The following TBC1D9B variants were observed in gnomAD, a reference collection of about 807,000 sequenced individuals.
The protein encoded by TBC1D9B is TBC1 domain family member 9B.
In TBC1D9B, 87 loss-of-function variants were observed where a neutral mutation model predicts 121.1. The ratio of observed to expected loss-of-function variants is 0.72; its 90% CI spans 0.60 to 0.86. The LOEUF (loss-of-function observed/expected upper bound fraction) is 0.86, where lower values mean the gene tolerates loss of function less well. TBC1D9B is among the 40% of genes least tolerant of loss of function. The pLI, the probability that TBC1D9B is intolerant of heterozygous loss-of-function variation, is 0.00. For synonymous variants in TBC1D9B, 668 were observed against 670.1 expected (o/e 1.00, Z 0.05); for missense variants, 1,540 against 1,628.6 (o/e 0.95, Z 0.94).
Position 179,863,662 on chromosome 5 carries a change from TC to T in TBC1D9B, c.3487del (p.Glu1163ArgfsTer29). On this transcript the variant is annotated frameshift_variant, in exon 21 of 21. Transcript: ENST00000355235. LOFTEE classifies it high-confidence loss of function. This position sits in a 1 kb window ranked among gnomAD's most constrained non-coding sequence, Gnocchi z 4.5. ...LADDTVLVGG[E>X]ACSPTARIGG... is the part of the protein sequence containing the mutation. ...GATGCGCGCTGTGGGGCTGCAGGCC[TC>T]CCCGCCCACCAGCACCGTGTCGTCT... is the stretch of plus-strand genomic sequence containing the variant. 6.2e-7 allele frequency: 1 copy of T among 1,613,708 alleles called. No homozygotes were observed. Among genetic ancestry groups the T allele is most frequent in the Non-Finnish European group, 8.5e-7 (1 of 1,180,012 alleles).
chr5:179,873,157 C>T lies in TBC1D9B; in HGVS notation c.2278G>A (p.Glu760Lys), dbSNP rs1159602879. 2 of 1,612,982 alleles carry T rather than the reference C, an allele frequency of 1.2e-6. No individual in the cohort carries two copies. Among genetic ancestry groups the T allele is most frequent in the Admixed American group, 3.3e-5 (2 of 59,928 alleles). ...LLSSSDDPPA[E>K]VDIFELLKVS... Reference sequence around the variant, plus strand: ...TTCAGGAGCTCAAAGATGTCCACCTCTGCAGGGGGGTCATCGCTGCTGCTC... The same window carrying T: ...TTCAGGAGCTCAAAGATGTCCACCTTTGCAGGGGGGTCATCGCTGCTGCTC... Residue 760 changes from glutamate (E) to lysine (K), a missense_variant, in exon 13 of 21, where the codon GAG becomes AAG. Coordinates refer to ENST00000355235, the MANE Select transcript of TBC1D9B (RefSeq NM_015043.4).
At position 179,890,145 on chromosome 5, in the gene TBC1D9B, C is replaced by T. The variant is rs923733903; in HGVS notation, c.1044+1234G>A. On this transcript the variant is annotated intron_variant, in intron 6 of 20. Transcript: ENST00000355235. This position sits in a 1 kb window ranked among gnomAD's most constrained non-coding sequence, Gnocchi z 5.0. ...AGTGAAATTCAAGAGTCCACTACAC[C>T]CACAGCAGAGTGAGCTGCGTGCGCA... is the stretch of plus-strand genomic sequence containing the variant. 6.6e-6 allele frequency among the ~76,000 whole-genome samples: 1 copy of T among 152,300 alleles called. No homozygotes were observed. The highest frequency in any genetic ancestry group is 1.5e-5 in the Non-Finnish European group (1 of 68,010).
At chr5:179,879,363 A>G (rs527897887) in intron 8 of TBC1D9B, 166 bp from the exon 9 acceptor site, 2 of 1,175,454 alleles carry the variant, frequency 1.7e-6, no homozygotes, top group South Asian at 1.6e-5. Context: ...CACACCTCCC[A>G]AGGCTCAGGA....
Position 179,907,775 on chromosome 5 carries a change from AC to A in TBC1D9B, c.46del (p.Val16Ter). On this transcript the variant is annotated frameshift_variant, in exon 1 of 21. Transcript: ENST00000355235. LOFTEE classifies it high-confidence loss of function. This position sits in a 1 kb window ranked among gnomAD's most constrained non-coding sequence, Gnocchi z 5.3. ...EEVLVANALWVTERANPFFVL... is the reference protein window; with the variant it reads ...EEVLVANALWXTERANPFFVL... ...GAAGAAGGGGTTGGCCCGCTCCGTCACCCACAGCGCATTGGCCACCAGCACC... is the reference window on the plus strand; with the variant it reads ...GAAGAAGGGGTTGGCCCGCTCCGTCACCACAGCGCATTGGCCACCAGCACC... 8.1e-7 allele frequency: 1 copy of A among 1,228,664 alleles called. No individual in the cohort carries two copies. Among genetic ancestry groups the A allele is most frequent in the Non-Finnish European group, 1.0e-6 (1 of 957,320 alleles). The allele number at this position is 1,228,664 out of a possible 1,614,324, so 76.1% of individuals were successfully genotyped here. A position where few individuals can be genotyped will look rare whatever the true frequency, so the allele number is the denominator to read the frequency against.
intron 17 of TBC1D9B, chr5:179,868,852 G>A (rs1185866338): frequency 1.3e-5 from 2 of 152,720 alleles, no homozygotes; most frequent in Admixed American, 1.3e-4. Context: ...AGGCTGAGGA[G>A]GCTCAGGAGT....
At chr5:179,888,001 C>G in intron 7 of TBC1D9B, 102 bp downstream of exon 7, 1 of 1,463,098 alleles carries the variant, frequency 6.8e-7, no homozygotes, top group Non-Finnish European at 9.5e-7. Flanking sequence ...GGCGGAGGCC[C>G]ACAGCCGGAA....
At chr5:179,873,355 A>T in intron 12 of TBC1D9B, 107 bp from the exon 13 acceptor site, 2 of 1,412,898 alleles carry the variant, frequency 1.4e-6, no homozygotes, top group Non-Finnish European at 1.9e-6. Context: ...GACTCCTAAT[A>T]AGGAGTGTGC....
In TBC1D9B at chr5:179,904,856, G is replaced by T; in HGVS notation, c.119-44C>A. 6.9e-7 allele frequency: 1 copy of T among 1,447,804 alleles called. No individual in the cohort carries two copies. The highest frequency in any genetic ancestry group is 1.3e-5 in the South Asian group (1 of 79,190). 89.7% of individuals were successfully genotyped at this position (1,447,804 alleles called of 1,614,324 possible). A position where few individuals can be genotyped will look rare whatever the true frequency, so the allele number is the denominator to read the frequency against. On this transcript the variant is annotated intron_variant, in intron 1 of 20. Coordinates refer to ENST00000355235, the MANE Select transcript of TBC1D9B (RefSeq NM_015043.4). This position sits in a 1 kb window ranked among gnomAD's most constrained non-coding sequence, Gnocchi z 4.2. ...GACATAGAGGGTGAGGGGAGGGCCG[G>T]ACTGAGGCCCCTGAAGGCTGAGTCT...
rs144557240 is a variant in TBC1D9B at position 179,865,488 on chromosome 5, G to A, written c.2915-128C>T. On this transcript the variant is annotated intron_variant, in intron 19 of 20. Coordinates refer to ENST00000355235, the MANE Select transcript of TBC1D9B (RefSeq NM_015043.4). The surrounding 1 kb of genome is among the most constrained non-coding windows in gnomAD (Gnocchi z 5.1). ...GGGCCCTATCATAAAACACCCTGGC[G>A]TTTGGGAAGGTGGTCATGGGAAAAA... 2.3e-5 allele frequency: 20 copies of A among 862,268 alleles called. No individual in the cohort carries two copies. Among genetic ancestry groups the A allele is most frequent in the African/African-American group, 1.5e-4 (9 of 59,580 alleles). The allele number at this position is 862,268 out of a possible 1,614,324, so 53.4% of individuals were successfully genotyped here. A position where few individuals can be genotyped will look rare whatever the true frequency, so the allele number is the denominator to read the frequency against.
intron 3 of TBC1D9B, 34 bp from the exon 4 acceptor site, chr5:179,894,648 GCA>G: frequency 2.5e-6 from 4 of 1,608,898 alleles, no homozygotes; most frequent in Non-Finnish European, 3.4e-6. Context: ...GGCTTGCCCT[GCA>G]CAGTCCCGGA....
In TBC1D9B at chr5:179,864,018, G is replaced by A. The variant is rs770137077; in HGVS notation, c.3132C>T (p.Ile1044=). The change falls in exon 21 of 21, where the codon ATC becomes ATT. Residue 1044 remains isoleucine (I), a synonymous_variant. Transcript: ENST00000355235. Reference sequence around the variant, plus strand: ...CTGAGAACTTCTTCCCCACCTCTCCGATGCGGAGCAGGAGGCTGGCCACGG... The same window carrying A: ...CTGAGAACTTCTTCCCCACCTCTCCAATGCGGAGCAGGAGGCTGGCCACGG... ...IATVASLLLR[I]GEVGKKFSAR... The A allele has an allele frequency of 1.5e-5, 25 of 1,613,572 alleles. No individual in the cohort carries two copies. In the East Asian group the frequency reaches 1.8e-4, roughly 11 times the overall value.
At chr5:179,881,204 CT>C (rs1276361184) in intron 7 of TBC1D9B, among the ~76,000 whole-genome samples, 1 of 152,242 alleles carries the variant, frequency 6.6e-6, no homozygotes, top group Non-Finnish European at 1.5e-5. Context: ...GCTTACTGGC[CT>C]CAGGTGGGTG....
In TBC1D9B at chr5:179,899,229, C is replaced by T; in HGVS notation, c.308G>A (p.Ser103Asn). 1.9e-6 allele frequency: 3 copies of T among 1,614,046 alleles called. No homozygotes were observed. Among genetic ancestry groups the T allele is most frequent in the East Asian group, 4.5e-5 (2 of 44,878 alleles). Residue 103 changes from serine to asparagine, a missense_variant, in exon 3 of 21, where the codon AGT becomes AAT. Transcript: ENST00000355235. ...GACGAAGGTGGTGATATCTTCCTCA[C>T]TGTCGAAGATGGACAGTGTCTGGAG... The part of the protein sequence containing the change: ...NLLQTLSIFD[S>N]EEDITTFVKG...
rs1208159841 is a variant in TBC1D9B, at chr5:179,862,743, A to C, written c.*705T>G. ...CAAGGCATTGCACACAGTGGTTTTTATTTCTTTCAGGGATTTATTAAGGCA... is the reference window on the plus strand; with the variant it reads ...CAAGGCATTGCACACAGTGGTTTTTCTTTCTTTCAGGGATTTATTAAGGCA... On this transcript the variant is annotated 3_prime_UTR_variant, in exon 21 of 21. Transcript: ENST00000355235. 1.3e-5 allele frequency: 5 copies of C among 374,196 alleles called. No homozygotes were observed. Among genetic ancestry groups the C allele is most frequent in the Admixed American group, 9.0e-5 (3 of 33,222 alleles). The allele number at this position is 374,196 out of a possible 1,614,324, so 23.2% of individuals were successfully genotyped here. A position where few individuals can be genotyped will look rare whatever the true frequency, so the allele number is the denominator to read the frequency against.
chr5:179,905,277 G>A (rs944228164), intron 1 of TBC1D9B, among the ~76,000 whole-genome samples: 2 of 152,280 alleles, frequency 1.3e-5, no homozygotes, highest in Admixed American at 6.5e-5. Context: ...CCTGAAATAC[G>A]TCTTCCGGAC....
Position 179,893,414 on chromosome 5 carries a change from G to T in TBC1D9B, c.631C>A (p.Leu211Met). Residue 211 changes from leucine to methionine, a missense_variant, in exon 5 of 21, where the codon CTG becomes ATG. Coordinates refer to ENST00000355235, the MANE Select transcript of TBC1D9B (RefSeq NM_015043.4). ...ACACGGATGCTCTCGGGGAAGAGCA[G>T]GGTGGCGTTCTTCTCCAGACGCGTT... ...DITRLEKNAT[L>M]LFPESIRVDT... 1 of 1,613,956 alleles carries T rather than the reference G, an allele frequency of 6.2e-7. No homozygotes were observed.
In TBC1D9B at chr5:179,874,973, G is replaced by T. The variant is rs577618447; in HGVS notation, c.2115C>A (p.Ala705=). The T allele has an allele frequency of 6.2e-7, 1 of 1,613,818 alleles. No homozygotes were observed. Among genetic ancestry groups the T allele is most frequent in the East Asian group, 2.2e-5 (1 of 44,880 alleles). Residue 705 remains alanine (A), a synonymous_variant, in exon 12 of 21, where the codon GCC becomes GCA. Coordinates refer to ENST00000355235, the MANE Select transcript of TBC1D9B (RefSeq NM_015043.4). This position sits in a 1 kb window ranked among gnomAD's most constrained non-coding sequence, Gnocchi z 4.3. Reference sequence around the variant, plus strand: ...GCTGCTCCATGTTGGCGTCCAGGACGGCCAGGGCCACCTGCAGGATCACCT... The same window carrying T: ...GCTGCTCCATGTTGGCGTCCAGGACTGCCAGGGCCACCTGCAGGATCACCT... ...GIKVILQVAL[A]VLDANMEQLL...
Position 179,903,167 on chromosome 5 carries a change from G to C in TBC1D9B, c.229+1535C>G, listed in dbSNP as rs189879774. ...GTGGCTTCTGCTTCAGAGAGGTACT[G>C]AGAGGGTCCAAACTGCAGCTGTGTG... On this transcript the variant is annotated intron_variant, in intron 2 of 20. Coordinates refer to ENST00000355235, the MANE Select transcript of TBC1D9B (RefSeq NM_015043.4). Among the ~76,000 whole-genome samples, 205 of 152,338 alleles carry C rather than the reference G, an allele frequency of 1.3e-3. 1 individual carries two copies. Among genetic ancestry groups the C allele is most frequent in the African/African-American group, 4.8e-3 (199 of 41,568 alleles).
Position 179,899,277 on chromosome 5 carries a change from C to T in TBC1D9B, c.260G>A (p.Trp87Ter), listed in dbSNP as rs1296310313. 1 of 1,614,046 alleles carries T rather than the reference C, an allele frequency of 6.2e-7. No individual in the cohort carries two copies. The highest frequency in any genetic ancestry group is 8.5e-7 in the Non-Finnish European group (1 of 1,180,014). ...GSSRKEITKH[W>*]EWLENNLLQT... The stretch of plus-strand genomic sequence containing the variant: ...GAGCAAGTTATTTTCCAGCCATTCC[C>T]AGTGTTTTGTGATCTCTTTGCGGGA... The change falls in exon 3 of 21, where the codon TGG (tryptophan) becomes TAG (stop). Residue 87 changes from tryptophan to a stop codon, truncating the protein, a stop_gained. Coordinates refer to ENST00000355235, the MANE Select transcript of TBC1D9B (RefSeq NM_015043.4). LOFTEE classifies it high-confidence loss of function.
Sources: allele counts gnomAD v4.1 joint callset (sites outside exome capture counted in the v4.1 genomes callset), GRCh38; gene constraint gnomAD v4.1.1; non-coding constraint Gnocchi (gnomAD v3.1); transcripts MANE v1.5; gene names NCBI Gene and HGNC (gene_info 2026-07-23, HGNC 2026-07-21).